COL21A1: variants seen among roughly 807,000 people sequenced by gnomAD.
COL21A1 encodes the protein collagen type XXI alpha 1 chain.
A neutral mutation model predicts 137.9 loss-of-function variants in COL21A1; 149 were observed. That is an observed-to-expected ratio of 1.08 (90% CI 0.95 to 1.24). COL21A1 has a LOEUF of 1.24. COL21A1 is among the 50% of genes most tolerant of loss of function. COL21A1 has a pLI of 0.00. For synonymous variants in COL21A1, 456 were observed against 391.5 expected (o/e 1.16, Z -1.95); for missense variants, 1,167 against 1,158.4 (o/e 1.01, Z -0.11).
chr6:56,338,824 T>C lies in COL21A1; in HGVS notation c.-39+55147A>G, dbSNP rs559516744. Among the ~76,000 whole-genome samples, 6 of 152,288 alleles carry C rather than the reference T, an allele frequency of 3.9e-5. No homozygotes were observed. In the East Asian group the frequency reaches 9.7e-4, roughly 24 times the overall value. ...CTGGATTCTCAACTCCTCTCTTGAA[T>C]GAGTCCCTGGATCTTCTTGTCTCCT... On this transcript the variant is annotated intron_variant, in intron 1 of 28. Transcript: ENST00000370819.
chr6:56,154,700 C>T (rs1321108314), intron 10 of COL21A1, among the ~76,000 whole-genome samples: 1 of 152,074 alleles, frequency 6.6e-6, no homozygotes, highest in East Asian at 1.9e-4. Flanking sequence ...TTATATTTAT[C>T]CTTCTAAATC....
intron 16 of COL21A1, among the ~76,000 whole-genome samples, chr6:56,122,469 C>T (rs1185392005): frequency 3.9e-5 from 6 of 152,050 alleles, no homozygotes; most frequent in East Asian, 3.9e-4. Flanking sequence ...TCCACCACCA[C>T]ACCCAGCTAA....
intron 16 of COL21A1, 32 bp downstream of exon 16, chr6:56,124,030 T>G (rs541590393): frequency 6.8e-7 from 1 of 1,460,720 alleles, no homozygotes; most frequent in Non-Finnish European, 9.1e-7. Flanking sequence ...AAAATCTTTT[T>G]GTTTTGTCCT....
intron 1 of COL21A1, among the ~76,000 whole-genome samples, chr6:56,312,309 G>A (rs1398125475): frequency 6.6e-6 from 1 of 152,184 alleles, no homozygotes; most frequent in African/African-American, 2.4e-5. Flanking sequence ...AACAGCAGCA[G>A]GGAAGGAGAG....
chr6:56,084,599 A>C (rs976242097), intron 17 of COL21A1, among the ~76,000 whole-genome samples: 1 of 152,078 alleles, frequency 6.6e-6, no homozygotes, highest in Non-Finnish European at 1.5e-5. Context: ...GGATTAGATA[A>C]AACTAATAAA....
chr6:56,207,133 G>C (rs1033181021), intron 1 of COL21A1, among the ~76,000 whole-genome samples: 9 of 152,016 alleles, frequency 5.9e-5, no homozygotes. Context: ...AAAAGAACTA[G>C]AGAAGCAACA....
intron 1 of COL21A1, among the ~76,000 whole-genome samples, chr6:56,232,801 C>A (rs1213830085): frequency 1.3e-5 from 2 of 151,882 alleles, no homozygotes; most frequent in East Asian, 3.9e-4. Context: ...ATGTTCACTA[C>A]ATAGTAGAAG....
At chr6:56,357,442 G>A (rs187602704) in intron 1 of COL21A1, among the ~76,000 whole-genome samples, 2 of 152,326 alleles carry the variant, frequency 1.3e-5, no homozygotes, top group African/African-American at 4.8e-5. Flanking sequence ...AACTTCCAGT[G>A]GAGGTGAAAG....
intron 12 of COL21A1, among the ~76,000 whole-genome samples, chr6:56,130,046 A>T (rs1773394991): frequency 6.6e-6 from 1 of 150,572 alleles, no homozygotes; most frequent in Admixed American, 6.6e-5. Flanking sequence ...GGTTAAGCTC[A>T]ATGGTGTGGT....
intron 2 of COL21A1, 129 bp from the exon 3 acceptor site, chr6:56,180,258 T>G: frequency 1.3e-6 from 1 of 764,782 alleles, no homozygotes; most frequent in Non-Finnish European, 2.0e-6. Flanking sequence ...TGAAATATGT[T>G]TAGCTTAATG....
At chr6:56,199,447 G>C (rs1242915403) in intron 1 of COL21A1, among the ~76,000 whole-genome samples, 1 of 151,902 alleles carries the variant, frequency 6.6e-6, no homozygotes, top group Non-Finnish European at 1.5e-5. Flanking sequence ...AAGAAATCCA[G>C]ATTATAGAGT....
intron 10 of COL21A1, among the ~76,000 whole-genome samples, chr6:56,146,058 T>C (rs1356614422): frequency 6.6e-6 from 1 of 152,172 alleles, no homozygotes; most frequent in Non-Finnish European, 1.5e-5. Context: ...ATTCTAATCA[T>C]GTCATAAAAT....
At chr6:56,125,324 A>G in intron 14 of COL21A1, 1 of 299,876 alleles carries the variant, frequency 3.3e-6, no homozygotes, top group Non-Finnish European at 6.1e-6. Flanking sequence ...CGGCCTGTAA[A>G]TCTTTTAAAA....
chr6:56,116,947 T>C (rs1771990099), intron 16 of COL21A1, among the ~76,000 whole-genome samples: 2 of 151,578 alleles, frequency 1.3e-5, no homozygotes, highest in Admixed American at 1.3e-4. Flanking sequence ...ATACAATGAA[T>C]ACACAAAAAA....
chr6:56,187,547 T>C (rs1384670998), intron 1 of COL21A1, among the ~76,000 whole-genome samples: 3 of 152,218 alleles, frequency 2.0e-5, no homozygotes, highest in African/African-American at 7.2e-5. Flanking sequence ...ACATGGTCGA[T>C]TGATTTTCAA....
intron 1 of COL21A1, among the ~76,000 whole-genome samples, chr6:56,298,551 A>C (rs1473548345): frequency 2.0e-5 from 3 of 152,058 alleles, no homozygotes; most frequent in African/African-American, 7.2e-5. Flanking sequence ...TGATCTAAAA[A>C]TAGTAATAAG....
At chr6:56,272,444 G>A (rs9396187) in intron 1 of COL21A1, among the ~76,000 whole-genome samples, 74,804 of 151,960 alleles carry the variant, frequency 0.49, 19,654 homozygotes, top group East Asian at 0.85. Flanking sequence ...GCTCATAGGC[G>A]GAAGGGACTA....
intron 1 of COL21A1, among the ~76,000 whole-genome samples, chr6:56,186,196 A>C (rs997775148): frequency 6.6e-6 from 1 of 152,202 alleles, no homozygotes; most frequent in East Asian, 1.9e-4. Flanking sequence ...TTGGTTTAAC[A>C]CTCAAAATTC....
intron 12 of COL21A1, among the ~76,000 whole-genome samples, chr6:56,136,781 T>C (rs1323243088): frequency 6.6e-6 from 1 of 152,222 alleles, no homozygotes; most frequent in Non-Finnish European, 1.5e-5. Flanking sequence ...CAAAAGTCTT[T>C]TACTGCAATA....
Sources: gnomAD v4.1 joint callset for allele counts (sites outside exome capture counted in the v4.1 genomes callset) on GRCh38, gnomAD v4.1.1 for gene constraint, MANE v1.5 for transcripts, NCBI Gene and HGNC (gene_info 2026-07-23, HGNC 2026-07-21) for gene names.